COL28A1: variants seen among roughly 807,000 people sequenced by gnomAD.
COL28A1 encodes collagen alpha-1(XXVIII) chain.
COL28A1 carries 161 observed loss-of-function variants against 150.2 expected under a neutral mutation model. The observed-to-expected ratio is 1.07, with a 90% CI of 0.94 to 1.22. The LOEUF (loss-of-function observed/expected upper bound fraction) is 1.22, where lower values mean the gene tolerates loss of function less well. Ranked by LOEUF, COL28A1 falls within the 50% of genes most tolerant of loss-of-function variation. COL28A1 has a pLI of 0.00. For missense variants in COL28A1, 1,617 were observed against 1,388.3 expected (o/e 1.16, Z -2.62); for synonymous variants, 552 against 469.7 (o/e 1.18, Z -2.26).
chr7:7,360,434 G>C lies in COL28A1; in HGVS notation c.3161C>G (p.Thr1054Ser). The C allele has an allele frequency of 6.2e-7, 1 of 1,608,414 alleles. No individual in the cohort carries two copies. The highest frequency in any genetic ancestry group is 8.5e-7 in the Non-Finnish European group (1 of 1,178,362). The change falls in exon 34 of 35, where the codon ACC (threonine) becomes AGC (serine). Residue 1054 changes from threonine (T) to serine (S), a missense_variant. Coordinates refer to ENST00000399429, the MANE Select transcript of COL28A1 (RefSeq NM_001037763.3). Reference sequence around the variant, plus strand: ...GGTGCTGAGCAGTGGCCTGGGGGTGGTGGTGGCCTCAGATGAGGTAGTGGC... The same window carrying C: ...GGTGCTGAGCAGTGGCCTGGGGGTGCTGGTGGCCTCAGATGAGGTAGTGGC... ...LPATTSSEATTTPRPLLSTPV... is the reference protein window; with the variant it reads ...LPATTSSEATSTPRPLLSTPV...
At chr7:7,476,092 G>C (rs1788851754) in intron 14 of COL28A1, among the ~76,000 whole-genome samples, 1 of 152,154 alleles carries the variant, frequency 6.6e-6, no homozygotes, top group South Asian at 2.1e-4. Context: ...AGAGCATGAG[G>C]CCATACTGAG....
At chr7:7,363,227 C>G (rs1780761410) in intron 33 of COL28A1, among the ~76,000 whole-genome samples, 1 of 152,102 alleles carries the variant, frequency 6.6e-6, no homozygotes, top group South Asian at 2.1e-4. Context: ...CTAAGCAGCA[C>G]AGTTTTCTTC....
chr7:7,340,443 T>C, the COL28A1 span, among the ~76,000 whole-genome samples: 1 of 152,082 alleles, frequency 6.6e-6, no homozygotes, highest in Non-Finnish European at 1.5e-5. Context: ...GTCTAAACTT[T>C]CCAGCTCACT....
chr7:7,360,353 A>G (rs201038779), intron 34 of COL28A1, 37 bp downstream of exon 34: 1 of 1,512,008 alleles, frequency 6.6e-7, no homozygotes, highest in African/African-American at 1.4e-5. Context: ...ACAAGACTGT[A>G]GAATCAAAAT....
Position 7,407,986 on chromosome 7 carries a change from T to C in COL28A1, c.2136+9873A>G, listed in dbSNP as rs549223220. Among the ~76,000 whole-genome samples the C allele has an allele frequency of 3.3e-5, 5 of 152,296 alleles. No individual in the cohort carries two copies. In the South Asian group the frequency reaches 1.0e-3, roughly 32 times the overall value. On this transcript the variant is annotated intron_variant, in intron 27 of 34. Coordinates refer to ENST00000399429, the MANE Select transcript of COL28A1 (RefSeq NM_001037763.3). ...AAAAGCATTACTAAACACAGGGTCCTAACGAAGTCATCACAACCAATATCC... is the reference window on the plus strand; with the variant it reads ...AAAAGCATTACTAAACACAGGGTCCCAACGAAGTCATCACAACCAATATCC...
At chr7:7,411,260 T>C (rs1160559381) in intron 27 of COL28A1, among the ~76,000 whole-genome samples, 1 of 152,182 alleles carries the variant, frequency 6.6e-6, no homozygotes, top group East Asian at 1.9e-4. Flanking sequence ...GAAATGACAT[T>C]AATCTTAAGC....
intron 33 of COL28A1, 72 bp downstream of exon 33, chr7:7,370,653 G>T: frequency 7.6e-7 from 1 of 1,312,824 alleles, no homozygotes; most frequent in Non-Finnish European, 1.1e-6. Context: ...ATGCAGGGCA[G>T]AATGATCTTT....
intron 27 of COL28A1, among the ~76,000 whole-genome samples, chr7:7,407,719 C>G (rs991573576): frequency 1.3e-5 from 2 of 151,990 alleles, no homozygotes; most frequent in Admixed American, 1.3e-4. Flanking sequence ...TGGTTTCAAT[C>G]TGGGATGCAA....
intron 11 of COL28A1, among the ~76,000 whole-genome samples, chr7:7,499,631 T>G (rs1338561528): frequency 6.6e-6 from 1 of 152,224 alleles, no homozygotes; most frequent in Non-Finnish European, 1.5e-5. Flanking sequence ...AGCAACATCA[T>G]GATGTTAGGA....
In COL28A1 at chr7:7,517,826, T is replaced by C; in HGVS notation, c.825A>G (p.Gln275=). The change falls in exon 7 of 35, where the codon CAA becomes CAG. Residue 275 remains glutamine, a synonymous_variant. Transcript: ENST00000399429. ...RGPKGNPGNA[Q]KGEAGERGPG... ...GACCTCTTTCTCCAGCTTCTCCTTT[T>C]TGAGCGTTGCCCTGTGACAAACAAA... 1 of 1,613,784 alleles carries C rather than the reference T, an allele frequency of 6.2e-7. No homozygotes were observed. The highest frequency in any genetic ancestry group is 8.5e-7 in the Non-Finnish European group (1 of 1,179,724).
chr7:7,397,189 A>G (rs1449681913), intron 27 of COL28A1, among the ~76,000 whole-genome samples: 4 of 152,198 alleles, frequency 2.6e-5, no homozygotes, highest in African/African-American at 9.7e-5. Context: ...CTGTAAGAAG[A>G]GAATCTATTT....
At chr7:7,524,091 C>T in intron 4 of COL28A1, 138 bp downstream of exon 4, 1 of 637,004 alleles carries the variant, frequency 1.6e-6, no homozygotes, top group Non-Finnish European at 2.7e-6. Flanking sequence ...ATGGCTGCCT[C>T]AGAATAGAGT....
chr7:7,485,494 G>C (rs899237779), intron 13 of COL28A1, among the ~76,000 whole-genome samples: 3 of 152,046 alleles, frequency 2.0e-5, no homozygotes, highest in Non-Finnish European at 2.9e-5. Flanking sequence ...ACTTTTTAGG[G>C]GGGGATCATG....
chr7:7,478,539 C>T (rs990780207), intron 13 of COL28A1, among the ~76,000 whole-genome samples: 26 of 152,262 alleles, frequency 1.7e-4, no homozygotes, highest in African/African-American at 5.5e-4. Context: ...CCAGGCCCTG[C>T]GCCCACACTC....
At chr7:7,374,267 A>G (rs1781427839) in intron 31 of COL28A1, among the ~76,000 whole-genome samples, 1 of 152,038 alleles carries the variant, frequency 6.6e-6, no homozygotes, top group Non-Finnish European at 1.5e-5. Context: ...CTGAAAGCTG[A>G]TATTTCAGTC....
intron 15 of COL28A1, among the ~76,000 whole-genome samples, chr7:7,469,581 A>T (rs1338098093): frequency 1.1e-5 from 1 of 94,922 alleles, no homozygotes. Flanking sequence ...GCTACCAATG[A>T]CTTTCTTCAC....
At chr7:7,435,486 A>C (rs952943338) in intron 23 of COL28A1, among the ~76,000 whole-genome samples, 1 of 152,204 alleles carries the variant, frequency 6.6e-6, no homozygotes, top group Non-Finnish European at 1.5e-5. Context: ...CATGCGTTCC[A>C]GGAACCCCTT....
intron 25 of COL28A1, among the ~76,000 whole-genome samples, chr7:7,429,971 G>C (rs958497306): frequency 6.6e-6 from 1 of 152,136 alleles, no homozygotes; most frequent in Admixed American, 6.5e-5. Context: ...ATGAAGTTTT[G>C]AACCCTTTGT....
intron 15 of COL28A1, among the ~76,000 whole-genome samples, chr7:7,471,939 G>C (rs1336705073): frequency 6.6e-6 from 1 of 152,112 alleles, no homozygotes; most frequent in South Asian, 2.1e-4. Flanking sequence ...GATCTCAATA[G>C]ATGCAGAAAG....
Sources: gnomAD v4.1 joint callset for allele counts (sites outside exome capture counted in the v4.1 genomes callset) on GRCh38, gnomAD v4.1.1 for gene constraint, MANE v1.5 for transcripts, NCBI Gene and HGNC (gene_info 2026-07-23, HGNC 2026-07-21) for gene names.